The following BCL11A variants were observed in gnomAD, a reference collection of about 807,000 sequenced individuals.
The protein encoded by BCL11A is B cell CLL/lymphoma 11A.
In BCL11A, 2 loss-of-function variants were observed where a neutral mutation model predicts 55.9. The observed-to-expected ratio is 0.04, with a 90% CI of 0.01 to 0.11. The LOEUF is 0.11. Among genes scored for constraint, BCL11A ranks in the 10% least tolerant of loss-of-function variants. BCL11A has a pLI of 1.00. For missense variants in BCL11A, 817 were observed against 1,137.1 expected (o/e 0.72, Z 4.05); for synonymous variants, 465 against 473.4 (o/e 0.98, Z 0.23).
At chr2:60,549,175 C>T (rs1670282194) in intron 1 of BCL11A, among the ~76,000 whole-genome samples, 1 of 152,212 alleles carries the variant, frequency 6.6e-6, no homozygotes, top group Admixed American at 6.5e-5. Context: ...TACGTTCAAA[C>T]AGCAAGACAG....
intron 2 of BCL11A, among the ~76,000 whole-genome samples, chr2:60,510,961 G>A (rs1478894318): frequency 2.0e-5 from 3 of 152,246 alleles, no homozygotes; most frequent in Admixed American, 2.0e-4. Context: ...CTTTCCTAAG[G>A]CTTAGGTGGA....
At chr2:60,507,494 GT>G (rs1487355183) in intron 2 of BCL11A, among the ~76,000 whole-genome samples, 149 of 152,184 alleles carry the variant, frequency 9.8e-4, no homozygotes, top group African/African-American at 3.2e-3. Flanking sequence ...AGCCAGAAAA[GT>G]TAAAACCTTG....
rs1030241145 is a variant in BCL11A at position 60,457,641 on chromosome 2, T to C, written c.*2763A>G. On this transcript the variant is annotated 3_prime_UTR_variant, in exon 4 of 4. Coordinates refer to ENST00000642384, the MANE Select transcript of BCL11A (RefSeq NM_022893.4). ...CTAAATATAAAGCACCATTTAGTTT[T>C]TGGCAATGAAAAAAACTGCAAAACA... 1.2e-5 allele frequency: 12 copies of C among 1,042,538 alleles called. No homozygotes were observed. Among genetic ancestry groups the C allele is most frequent in the African/African-American group, 6.7e-5 (4 of 59,752 alleles). The allele number at this position is 1,042,538 out of a possible 1,614,324, so 64.6% of individuals were successfully genotyped here. A position where few individuals can be genotyped will look rare whatever the true frequency, so the allele number is the denominator to read the frequency against.
intron 2 of BCL11A, 178 bp downstream of exon 2, chr2:60,545,793 T>C (rs1370661506): frequency 3.2e-6 from 2 of 615,826 alleles, no homozygotes; most frequent in African/African-American, 1.8e-5. Context: ...AAAATATTTA[T>C]TTTTCTGTGT....
At position 60,458,007 on chromosome 2, in the gene BCL11A, TA is replaced by T; in HGVS notation, c.*2396del. 9.7e-7 allele frequency: 1 copy of T among 1,033,160 alleles called. No individual in the cohort carries two copies. 64.0% of individuals were successfully genotyped at this position (1,033,160 alleles called of 1,614,324 possible). On this transcript the variant is annotated 3_prime_UTR_variant, in exon 4 of 4. Coordinates refer to ENST00000642384, the MANE Select transcript of BCL11A (RefSeq NM_022893.4). ...TTTGCACTATATTATCCTGCCAAAT[TA>T]AAAAAATATACTGTGGCAGCCTGTC...
intron 2 of BCL11A, among the ~76,000 whole-genome samples, chr2:60,485,368 C>G (rs1229326583): frequency 6.6e-6 from 1 of 152,258 alleles, no homozygotes; most frequent in Non-Finnish European, 1.5e-5. Flanking sequence ...TTAGCCCCAG[C>G]AGGGCCCATG....
At chr2:60,526,453 C>T (rs184136231) in intron 2 of BCL11A, 1 of 152,306 alleles carries the variant, frequency 6.6e-6, no homozygotes, top group African/African-American at 2.4e-5. Context: ...CATCTCCCCC[C>T]ACCCCCTCTG....
intron 2 of BCL11A, among the ~76,000 whole-genome samples, chr2:60,494,613 T>C (rs1473696092): frequency 6.6e-6 from 1 of 152,240 alleles, no homozygotes; most frequent in Non-Finnish European, 1.5e-5. Context: ...TCATTCCTAA[T>C]GATTTATCAC....
In BCL11A at chr2:60,488,049, C is replaced by T. The variant is rs76899796; in HGVS notation, c.386-19216G>A. Among the ~76,000 whole-genome samples, 1,014 of 152,314 alleles carry T rather than the reference C, an allele frequency of 6.7e-3. 10 individuals carry two copies. Among genetic ancestry groups the T allele is most frequent in the African/African-American group, 0.023 (963 of 41,560 alleles). On this transcript the variant is annotated intron_variant, in intron 2 of 3. Transcript: ENST00000642384. ...AAATGCTTATAGATCCCTCTCTGTG[C>T]TATTACTTTTGACCTGGGTTTTAAA...
chr2:60,460,328 C>A lies in BCL11A; in HGVS notation c.*76G>T. On this transcript the variant is annotated 3_prime_UTR_variant, in exon 4 of 4. Transcript: ENST00000642384. ...GAAAAAAATCCTACAGGGAGTGGGG[C>A]TGGAGGGCGATGGGGAAGGGGAGTG... 1.3e-6 allele frequency: 2 copies of A among 1,526,702 alleles called. No individual in the cohort carries two copies. Among genetic ancestry groups the A allele is most frequent in the East Asian group, 2.3e-5 (1 of 43,934 alleles). 94.6% of individuals were successfully genotyped at this position (1,526,702 alleles called of 1,614,324 possible).
intron 2 of BCL11A, among the ~76,000 whole-genome samples, chr2:60,487,962 C>G (rs1678379437): frequency 6.6e-6 from 1 of 152,198 alleles, no homozygotes; most frequent in African/African-American, 2.4e-5. Context: ...CTTGGTTTTC[C>G]CAACTCTAGA....
intron 2 of BCL11A, among the ~76,000 whole-genome samples, chr2:60,506,077 G>A (rs1305405284): frequency 6.6e-6 from 1 of 152,180 alleles, no homozygotes; most frequent in African/African-American, 2.4e-5. Flanking sequence ...ATCACTCATA[G>A]GCAAGGGATG....
Position 60,458,150 on chromosome 2 carries a change from A to G in BCL11A, c.*2254T>C. 9.7e-7 allele frequency: 1 copy of G among 1,028,064 alleles called. No individual in the cohort carries two copies. The highest frequency in any genetic ancestry group is 1.2e-6 in the Non-Finnish European group (1 of 854,554). 63.7% of individuals were successfully genotyped at this position (1,028,064 alleles called of 1,614,324 possible). A position where few individuals can be genotyped will look rare whatever the true frequency, so the allele number is the denominator to read the frequency against. On this transcript the variant is annotated 3_prime_UTR_variant, in exon 4 of 4. Coordinates refer to ENST00000642384, the MANE Select transcript of BCL11A (RefSeq NM_022893.4). ...GTGCCTAACACTAGATGAACATTTAATTCAAATACCATTCTAGAAATACAG... is the reference window on the plus strand; with the variant it reads ...GTGCCTAACACTAGATGAACATTTAGTTCAAATACCATTCTAGAAATACAG...
In BCL11A at chr2:60,546,032, C is replaced by T. The variant is rs777872149; in HGVS notation, c.324G>A (p.Glu108=). Reference sequence around the variant, plus strand: ...ATGACGTTGATAAACAATCGTCATCCTCTGGCGTGACCTGGATGCCAACCT... The same window carrying T: ...ATGACGTTGATAAACAATCGTCATCTTCTGGCGTGACCTGGATGCCAACCT... ...PVEVGIQVTP[E]DDDCLSTSSR... The change falls in exon 2 of 4, where the codon GAG becomes GAA. Residue 108 remains glutamate, a synonymous_variant. Coordinates refer to ENST00000642384, the MANE Select transcript of BCL11A (RefSeq NM_022893.4). This position sits in a 1 kb window ranked among gnomAD's most constrained non-coding sequence, Gnocchi z 4.1. 2 of 1,614,234 alleles carry T rather than the reference C, an allele frequency of 1.2e-6. No homozygotes were observed. Among genetic ancestry groups the T allele is most frequent in the Non-Finnish European group, 1.7e-6 (2 of 1,180,048 alleles).
intron 2 of BCL11A, among the ~76,000 whole-genome samples, chr2:60,521,145 G>A (rs1182738738): frequency 3.3e-5 from 5 of 151,734 alleles, no homozygotes. Context: ...CCTTGAGGGT[G>A]CCAGGTTACA....
At chr2:60,468,008 A>ATGG (rs1228744266) in intron 3 of BCL11A, among the ~76,000 whole-genome samples, 135 of 11,018 alleles carry the variant, frequency 0.012, 5 homozygotes, top group Non-Finnish European at 0.019. Flanking sequence ...GGTGGTGGTG[A>ATGG]TGGTGGTGGT....
chr2:60,480,979 C>T (rs1348935113), intron 2 of BCL11A, among the ~76,000 whole-genome samples: 4 of 152,154 alleles, frequency 2.6e-5, no homozygotes. Context: ...AAAAATAAGG[C>T]TAGGAAGCTA....
rs1676022512 is a variant in BCL11A at position 60,457,946 on chromosome 2, TTC to T, written c.*2456_*2457del. 12 of 1,043,794 alleles carry T rather than the reference TTC, an allele frequency of 1.1e-5. No homozygotes were observed. The South Asian group carries it at 3.2e-4, about 28-fold the overall frequency. 64.7% of individuals were successfully genotyped at this position (1,043,794 alleles called of 1,614,324 possible). On this transcript the variant is annotated 3_prime_UTR_variant, in exon 4 of 4. Transcript: ENST00000642384. The stretch of plus-strand genomic sequence containing the variant: ...CATCTGTAATGTCACACTTTTTTGT[TTC>T]TCTCTTTTTTTTTTTTTTGAAGCAT...
chr2:60,506,516 C>T (rs1011887073), intron 2 of BCL11A, among the ~76,000 whole-genome samples: 1 of 152,248 alleles, frequency 6.6e-6, no homozygotes, highest in African/African-American at 2.4e-5. Flanking sequence ...CTCATTTTTC[C>T]AGCCTCAGTG....
Sources: gnomAD v4.1 joint callset for allele counts (sites outside exome capture counted in the v4.1 genomes callset) on GRCh38, gnomAD v4.1.1 for gene constraint, Gnocchi (gnomAD v3.1) non-coding constraint, MANE v1.5 for transcripts, NCBI Gene and HGNC (gene_info 2026-07-23, HGNC 2026-07-21) for gene names.